Variants in NMUR1 observed in about 807,000 individuals in gnomAD.
NMUR1 encodes the protein neuromedin-U receptor 1.
A neutral mutation model predicts 18.8 loss-of-function variants in NMUR1; 16 were observed. That is an observed-to-expected ratio of 0.85 (90% confidence interval 0.58 to 1.29). NMUR1 has a LOEUF of 1.29. Ranked by LOEUF, NMUR1 falls within the 50% of genes most tolerant of loss-of-function variation. The pLI is 0.00. For synonymous variants in NMUR1, 258 were observed against 258.2 expected, an observed-to-expected ratio of 1.00 and a Z score of 0.01; for missense variants, 529 against 580.3, an observed-to-expected ratio of 0.91 and a Z score of 0.91.
intron 2 of NMUR1, among the ~76,000 whole-genome samples, chr2:231,525,928 A>T (rs1575286845): frequency 1.3e-5 from 2 of 151,060 alleles, no homozygotes; most frequent in East Asian, 3.9e-4. Context: ...ACACGCATGC[A>T]CACACACACA....
At chr2:231,527,658 AAAG>A (rs2047369585) in intron 2 of NMUR1, among the ~76,000 whole-genome samples, 10 of 150,500 alleles carry the variant, frequency 6.6e-5, no homozygotes, top group African/African-American at 2.2e-4. Flanking sequence ...AAAAAAAAAA[AAAG>A]AAGAGGAGAG....
At chr2:231,529,618 A>G (rs1448447371) in intron 1 of NMUR1, among the ~76,000 whole-genome samples, 1 of 152,102 alleles carries the variant, frequency 6.6e-6, no homozygotes, top group Admixed American at 6.5e-5. Flanking sequence ...TAGATGAGGC[A>G]CTCGTTTGGG....
At position 231,530,381 on chromosome 2, in the gene NMUR1, AC is replaced by A. The variant is rs1341464506; in HGVS notation, c.-21del. 1.3e-6 allele frequency: 2 copies of A among 1,484,870 alleles called. No individual in the cohort carries two copies. The highest frequency in any genetic ancestry group is 2.9e-5 in the East Asian group (1 of 34,934). 92.0% of individuals were successfully genotyped at this position (1,484,870 alleles called of 1,614,324 possible). A position where few individuals can be genotyped will look rare whatever the true frequency, so the allele number is the denominator to read the frequency against. On this transcript the variant is annotated 5_prime_UTR_variant, in exon 1 of 3. Coordinates refer to ENST00000305141, the MANE Select transcript of NMUR1 (RefSeq NM_006056.5). ...TACCATGCGGCCCGCGGCCCGCGAGACCCCGGCTTCCACCCTCCGAGCGACG... is the reference window on the plus strand; with the variant it reads ...TACCATGCGGCCCGCGGCCCGCGAGACCCGGCTTCCACCCTCCGAGCGACG...
At chr2:231,527,447 C>T (rs1319044328) in intron 2 of NMUR1, among the ~76,000 whole-genome samples, 6 of 152,028 alleles carry the variant, frequency 3.9e-5, no homozygotes, top group Admixed American at 6.6e-5. Flanking sequence ...GTTCAAGATC[C>T]GCTCTGGCAA....
Position 231,528,642 on chromosome 2 carries a change from A to G in NMUR1, c.379T>C (p.Phe127Leu), listed in dbSNP as rs1389059929. 3 of 1,614,114 alleles carry G rather than the reference A, an allele frequency of 1.9e-6. No homozygotes were observed. The highest frequency in any genetic ancestry group is 2.5e-6 in the Non-Finnish European group (3 of 1,180,054). ...ELYEMWHNYP[F>L]LLGVGGCYFR... ...TAGCAGCCACCAACGCCCAGCAGGAAGGGGTAGTTGTGCCACATCTCATAG... is the reference window on the plus strand; with the variant it reads ...TAGCAGCCACCAACGCCCAGCAGGAGGGGGTAGTTGTGCCACATCTCATAG... Residue 127 changes from phenylalanine to leucine, a missense_variant, in exon 2 of 3, where the codon TTC (phenylalanine) becomes CTC (leucine). By Grantham distance (22) the Phe-to-Leu change is conservative (BLOSUM62 0). Coordinates refer to ENST00000305141, the MANE Select transcript of NMUR1 (RefSeq NM_006056.5).
chr2:231,520,262 C>T (rs905697692), downstream of NMUR1, among the ~76,000 whole-genome samples: 3 of 152,160 alleles, frequency 2.0e-5, no homozygotes, highest in Admixed American at 6.5e-5. Context: ...CAAATATCAA[C>T]AGGAAGGCAG....
Position 231,528,800 on chromosome 2 carries a change from C to T in NMUR1, c.221G>A (p.Gly74Asp), listed in dbSNP as rs2047386524. The change falls in exon 2 of 3, where the codon GGC becomes GAC. Residue 74 changes from glycine (G) to aspartate (D), a missense_variant. Physicochemically the swap from Gly to Asp is moderately conservative, Grantham distance 94 (BLOSUM62 -1). Transcript: ENST00000305141. ...CATYLLIFVVGAVGNGLTCLV... is the reference protein window; with the variant it reads ...CATYLLIFVVDAVGNGLTCLV... ...ACAGGTCAGCCCATTGCCCACAGCG[C>T]CCACCACGAAGATCAGCAGGTATGT... The T allele has an allele frequency of 6.2e-7, 1 of 1,614,092 alleles. No individual in the cohort carries two copies. The highest frequency in any genetic ancestry group is 8.5e-7 in the Non-Finnish European group (1 of 1,180,044).
intron 2 of NMUR1, among the ~76,000 whole-genome samples, chr2:231,525,653 C>T (rs1320896212): frequency 1.3e-5 from 2 of 152,248 alleles, no homozygotes; most frequent in African/African-American, 4.8e-5. Context: ...ATATCCCTGC[C>T]TCTGACCACA....
Position 231,524,838 on chromosome 2 carries a change from TG to T in NMUR1, c.*204del. The stretch of plus-strand genomic sequence containing the variant: ...GTGGACAGATAAGAAGCACAAGGTG[TG>T]GCGTCTGGTCAGTGTGAGTCCTCAG... On this transcript the variant is annotated 3_prime_UTR_variant, in exon 3 of 3. Transcript: ENST00000305141. The T allele has an allele frequency of 1.8e-6, 1 of 543,692 alleles. No homozygotes were observed. Among genetic ancestry groups the T allele is most frequent in the Non-Finnish European group, 3.1e-6 (1 of 321,070 alleles). 33.7% of individuals were successfully genotyped at this position (543,692 alleles called of 1,614,324 possible). A position where few individuals can be genotyped will look rare whatever the true frequency, so the allele number is the denominator to read the frequency against.
chr2:231,530,254 C>A (rs1157806546), intron 1 of NMUR1, 105 bp downstream of exon 1: 6 of 1,352,580 alleles, frequency 4.4e-6, no homozygotes, highest in Non-Finnish European at 4.0e-6. Flanking sequence ...ACGGGGGGCA[C>A]CCCGACGGAG....
At chr2:231,521,841 T>A (rs564114615), downstream of NMUR1, among the ~76,000 whole-genome samples, 184 of 152,236 alleles carry the variant, frequency 1.2e-3, 1 homozygote, top group Non-Finnish European at 2.0e-3. Flanking sequence ...TTGCCATCCC[T>A]GTTTCTCAAG....
rs909612060 is a variant in NMUR1 at position 231,524,998 on chromosome 2, G to C, written c.*45C>G. On this transcript the variant is annotated 3_prime_UTR_variant, in exon 3 of 3. Transcript: ENST00000305141. ...AGGCAGATGTGTCTCCCCAGCTCCAGGTGACCCTCTGGCCCCTCCAGGTGA... is the reference window on the plus strand; with the variant it reads ...AGGCAGATGTGTCTCCCCAGCTCCACGTGACCCTCTGGCCCCTCCAGGTGA... The C allele has an allele frequency of 6.6e-7, 1 of 1,510,032 alleles. No homozygotes were observed. The highest frequency in any genetic ancestry group is 1.4e-5 in the African/African-American group (1 of 71,886). 93.5% of individuals were successfully genotyped at this position (1,510,032 alleles called of 1,614,324 possible).
At chr2:231,530,245 C>T (rs1310166956) in intron 1 of NMUR1, 114 bp downstream of exon 1, 2 of 1,276,200 alleles carry the variant, frequency 1.6e-6, no homozygotes, top group South Asian at 1.4e-5. Flanking sequence ...GTGGCGGGGA[C>T]GGGGGGCACC....
At position 231,524,911 on chromosome 2, in the gene NMUR1, G is replaced by A. The variant is rs1007763573; in HGVS notation, c.*132C>T. On this transcript the variant is annotated 3_prime_UTR_variant, in exon 3 of 3. Coordinates refer to ENST00000305141, the MANE Select transcript of NMUR1 (RefSeq NM_006056.5). ...GCTGTTTCCCTCTGAGGGAAACTGA[G>A]GTGCTGGTCAGAATTTCTAGGCTGA... 8.3e-7 allele frequency: 1 copy of A among 1,211,086 alleles called. No individual in the cohort carries two copies. Among genetic ancestry groups the A allele is most frequent in the East Asian group, 2.5e-5 (1 of 40,492 alleles). 75.0% of individuals were successfully genotyped at this position (1,211,086 alleles called of 1,614,324 possible).
chr2:231,518,866 G>A (rs941261459), downstream of NMUR1, among the ~76,000 whole-genome samples: 29 of 152,028 alleles, frequency 1.9e-4, no homozygotes, highest in African/African-American at 7.0e-4. Context: ...TTCCCTTTAG[G>A]CTCTCCACCT....
At chr2:231,522,794 A>G (rs1200315081), downstream of NMUR1, among the ~76,000 whole-genome samples, 7 of 150,950 alleles carry the variant, frequency 4.6e-5, no homozygotes, top group Admixed American at 3.3e-4. Flanking sequence ...ATTTTCTCCC[A>G]TTGTCCTCAG....
chr2:231,524,709 C>T lies in NMUR1; in HGVS notation c.*334G>A, dbSNP rs1355023990. 3.7e-6 allele frequency: 1 copy of T among 267,988 alleles called. No individual in the cohort carries two copies. The highest frequency in any genetic ancestry group is 7.1e-6 in the Non-Finnish European group (1 of 140,268). 16.6% of individuals were successfully genotyped at this position (267,988 alleles called of 1,614,324 possible). A position where few individuals can be genotyped will look rare whatever the true frequency, so the allele number is the denominator to read the frequency against. On this transcript the variant is annotated 3_prime_UTR_variant, in exon 3 of 3. Coordinates refer to ENST00000305141, the MANE Select transcript of NMUR1 (RefSeq NM_006056.5). ...CAGTGAGGACCCAGTGGGACCGTTT[C>T]AGAAACTGGCAGTGGTGGCAGGGAG...
chr2:231,523,383 A>G lies in NMUR1; in HGVS notation c.*1660T>C. ...AACTTTTTCATTTTGCAAAACTGAA[A>G]CTCTTCACCCATTAAAGAACTCCTC... On this transcript the variant is annotated 3_prime_UTR_variant, in exon 3 of 3. Transcript: ENST00000305141. 5.9e-6 allele frequency: 2 copies of G among 341,078 alleles called. No homozygotes were observed. The highest frequency in any genetic ancestry group is 2.9e-4 in the South Asian group (2 of 6,846). The allele number at this position is 341,078 out of a possible 1,614,324, so 21.1% of individuals were successfully genotyped here.
chr2:231,523,176 A>G, downstream of NMUR1: 1 of 348,736 alleles, frequency 2.9e-6, no homozygotes, highest in Non-Finnish European at 5.2e-6. Context: ...GAAACATGCC[A>G]CTGTTACTGC....
Sources: gnomAD v4.1 joint callset for allele counts (sites outside exome capture counted in the v4.1 genomes callset) on GRCh38, gnomAD v4.1.1 for gene constraint, MANE v1.5 for transcripts, NCBI Gene and HGNC (gene_info 2026-07-23, HGNC 2026-07-21) for gene names.